Variants in TTC28 observed in about 807,000 individuals in gnomAD.
The protein encoded by TTC28 is tetratricopeptide repeat domain 28.
TTC28 carries 61 observed loss-of-function variants against 198.0 expected under a neutral mutation model. The observed-to-expected ratio is 0.31, with a 90% CI of 0.25 to 0.38. The LOEUF (loss-of-function observed/expected upper bound fraction) is 0.38. Among genes scored for constraint, TTC28 ranks in the 10% least tolerant of loss-of-function variants. The probability of loss-of-function intolerance (pLI) is 1.00; values close to 1 mark genes in which losing one functional copy is unlikely to be tolerated. For synonymous variants in TTC28, 1,171 were observed against 1,297.8 expected, an observed-to-expected ratio of 0.90 and a Z score of 2.10; for missense variants, 2,678 against 3,164.0, an observed-to-expected ratio of 0.85 and a Z score of 3.69.
intron 1 of TTC28, among the ~76,000 whole-genome samples, chr22:28,670,712 T>C (rs1220550490): frequency 6.7e-6 from 1 of 149,796 alleles, no homozygotes. Flanking sequence ...GGCATATATA[T>C]ATATATATAT....
At chr22:28,151,117 C>G (rs1469730260) in intron 6 of TTC28, among the ~76,000 whole-genome samples, 1 of 152,174 alleles carries the variant, frequency 6.6e-6, no homozygotes, top group Non-Finnish European at 1.5e-5. Flanking sequence ...AAAAAACCTC[C>G]AAGCACTAAT....
intron 5 of TTC28, among the ~76,000 whole-genome samples, chr22:28,262,945 A>G (rs932741665): frequency 6.6e-6 from 1 of 152,202 alleles, no homozygotes; most frequent in African/African-American, 2.4e-5. Context: ...ACAGAGCCCA[A>G]CAAACGGGTG....
chr22:28,297,707 A>G lies in TTC28; in HGVS notation c.675T>C (p.Ile225=). 1 of 1,551,704 alleles carries G rather than the reference A, an allele frequency of 6.4e-7. No homozygotes were observed. Among genetic ancestry groups the G allele is most frequent in the Non-Finnish European group, 8.7e-7 (1 of 1,146,994 alleles). ...CTCTCAGTTTGAGGCTGCAGGTGCCAATCTTCAGTGCGGCTTCTAAGACAA... is the reference window on the plus strand; with the variant it reads ...CTCTCAGTTTGAGGCTGCAGGTGCCGATCTTCAGTGCGGCTTCTAAGACAA... ...SVVVLEAALK[I]GTCSLKLRGS... The change falls in exon 4 of 23, where the codon ATT becomes ATC. Residue 225 remains isoleucine, a synonymous_variant. Coordinates refer to ENST00000397906, the MANE Select transcript of TTC28 (RefSeq NM_001145418.2).
At chr22:28,083,826 T>G (rs968713593) in intron 12 of TTC28, among the ~76,000 whole-genome samples, 47 of 152,242 alleles carry the variant, frequency 3.1e-4, no homozygotes, top group African/African-American at 1.1e-3. Flanking sequence ...TACTGCGCTC[T>G]TCCAATAGGC....
intron 2 of TTC28, among the ~76,000 whole-genome samples, chr22:28,628,111 G>T (rs142346483): frequency 4.1e-4 from 62 of 151,988 alleles, no homozygotes; most frequent in African/African-American, 1.4e-3. Context: ...GCCTAGTCTG[G>T]CCTCAAACCT....
chr22:28,543,819 T>A (rs1226934299), intron 2 of TTC28, among the ~76,000 whole-genome samples: 1 of 152,190 alleles, frequency 6.6e-6, no homozygotes, highest in Non-Finnish European at 1.5e-5. Context: ...GTATCTTTAA[T>A]GAACACAGAT....
At chr22:28,064,568 A>T (rs976045357) in intron 12 of TTC28, among the ~76,000 whole-genome samples, 7 of 152,212 alleles carry the variant, frequency 4.6e-5, no homozygotes, top group Non-Finnish European at 1.0e-4. Context: ...ATAAAGGTAA[A>T]GTGAGATAAT....
intron 5 of TTC28, among the ~76,000 whole-genome samples, chr22:28,222,864 T>C (rs1177333196): frequency 6.6e-6 from 1 of 152,218 alleles, no homozygotes; most frequent in African/African-American, 2.4e-5. Flanking sequence ...TATTAAACCC[T>C]AGAAATGGGA....
At chr22:28,273,258 TAAGAAACTG>T (rs1276781248) in intron 5 of TTC28, among the ~76,000 whole-genome samples, 1 of 152,028 alleles carries the variant, frequency 6.6e-6, no homozygotes, top group African/African-American at 2.4e-5. Context: ...CAACATTCAG[TAAGAAACTG>T]AACCATGCAC....
chr22:28,369,650 C>T lies in TTC28; in HGVS notation c.382-63007G>A, dbSNP rs143136777. Among the ~76,000 whole-genome samples, 543 of 152,264 alleles carry T rather than the reference C, an allele frequency of 3.6e-3. 5 individuals carry two copies. The highest frequency in any genetic ancestry group is 0.014 in the Middle Eastern group (4 of 294). ...TCATCACCTTAAAAAGAAATGTCAA[C>T]ACTACCAACTAGTTCATCTCCTTTC... On this transcript the variant is annotated intron_variant, in intron 2 of 22. Coordinates refer to ENST00000397906, the MANE Select transcript of TTC28 (RefSeq NM_001145418.2).
At chr22:28,401,171 G>A (rs1331744247) in intron 2 of TTC28, among the ~76,000 whole-genome samples, 1 of 151,550 alleles carries the variant, frequency 6.6e-6, no homozygotes, top group Non-Finnish European at 1.5e-5. Context: ...AAAGGAAGAG[G>A]AGGAGAAGGA....
At chr22:28,078,620 T>C (rs1318054543) in intron 12 of TTC28, among the ~76,000 whole-genome samples, 1 of 152,090 alleles carries the variant, frequency 6.6e-6, no homozygotes, top group African/African-American at 2.4e-5. Flanking sequence ...GTGTGAAATA[T>C]AAACAGAGCT....
chr22:28,191,895 C>A (rs1247286096), intron 5 of TTC28, among the ~76,000 whole-genome samples: 1 of 152,194 alleles, frequency 6.6e-6, no homozygotes. Flanking sequence ...GCAGCAGAAT[C>A]CTCTGCAGAC....
At chr22:27,994,698 G>A (rs1324697772) in intron 17 of TTC28, 1 of 152,298 alleles carries the variant, frequency 6.6e-6, no homozygotes, top group African/African-American at 2.4e-5. Context: ...ACCCACCCCA[G>A]AAGATAATAC....
intron 5 of TTC28, among the ~76,000 whole-genome samples, chr22:28,255,172 A>T (rs556761712): frequency 5.3e-5 from 8 of 152,250 alleles, no homozygotes; most frequent in Middle Eastern, 3.4e-3. Flanking sequence ...CAATTTTTTT[A>T]AAAAAAGCAA....
At chr22:28,164,367 C>T (rs534049164) in intron 5 of TTC28, among the ~76,000 whole-genome samples, 6 of 152,298 alleles carry the variant, frequency 3.9e-5, no homozygotes, top group Admixed American at 6.5e-5. Flanking sequence ...CTCTGAACCC[C>T]GAGTAGCCTA....
intron 6 of TTC28, among the ~76,000 whole-genome samples, chr22:28,117,393 C>T (rs562777732): frequency 4.3e-4 from 65 of 152,284 alleles, no homozygotes; most frequent in African/African-American, 1.5e-3. Flanking sequence ...CCAATATAAA[C>T]CCTCCCAGCC....
At chr22:27,995,432 C>A (rs1356657336) in intron 17 of TTC28, among the ~76,000 whole-genome samples, 1 of 152,176 alleles carries the variant, frequency 6.6e-6, no homozygotes, top group Non-Finnish European at 1.5e-5. Context: ...AACGGCCTTC[C>A]AGGTTGTTCC....
intron 1 of TTC28, among the ~76,000 whole-genome samples, chr22:28,642,668 A>T (rs2051388388): frequency 1.3e-5 from 2 of 152,164 alleles, no homozygotes; most frequent in South Asian, 4.1e-4. Flanking sequence ...GAGAAAACAA[A>T]ATTAAGGCAA....
Sources: allele counts gnomAD v4.1 joint callset (sites outside exome capture counted in the v4.1 genomes callset), GRCh38; gene constraint gnomAD v4.1.1; transcripts MANE v1.5; gene names NCBI Gene and HGNC (gene_info 2026-07-23, HGNC 2026-07-21).